VPS41: variants seen among roughly 807,000 people sequenced by gnomAD.
VPS41 encodes the protein vacuolar protein sorting-associated protein 41 homolog.
In VPS41, 85 loss-of-function variants were observed where a neutral mutation model predicts 130.9. The ratio of observed to expected loss-of-function variants is 0.65; its 90% CI spans 0.55 to 0.78. The LOEUF is 0.78. Among genes scored for constraint, VPS41 ranks in the 30% least tolerant of loss-of-function variants. The probability of loss-of-function intolerance (pLI) is 0.00; values close to 1 mark genes in which losing one functional copy is unlikely to be tolerated. For missense variants in VPS41, 874 were observed against 1,018.7 expected, an observed-to-expected ratio of 0.86 and a Z score of 1.93; for synonymous variants, 335 against 332.9, an observed-to-expected ratio of 1.01 and a Z score of -0.07.
At chr7:38,778,769 GAGA>G (rs1784305836) in intron 10 of VPS41, among the ~76,000 whole-genome samples, 1 of 152,136 alleles carries the variant, frequency 6.6e-6, no homozygotes, top group African/African-American at 2.4e-5. Flanking sequence ...GAAGGGGTGG[GAGA>G]AGGAGGTATT....
chr7:38,736,842 C>T (rs908241291), intron 25 of VPS41, among the ~76,000 whole-genome samples: 1 of 152,196 alleles, frequency 6.6e-6, no homozygotes, highest in African/African-American at 2.4e-5. Context: ...AAAACAAAAG[C>T]ATTCACAAAT....
intron 4 of VPS41, among the ~76,000 whole-genome samples, chr7:38,852,370 G>T (rs949197787): frequency 6.6e-6 from 1 of 152,172 alleles, no homozygotes; most frequent in African/African-American, 2.4e-5. Flanking sequence ...GGGAGACACT[G>T]CTTTGAGAAC....
intron 27 of VPS41, among the ~76,000 whole-genome samples, chr7:38,728,070 T>G (rs1420595008): frequency 6.6e-6 from 1 of 152,178 alleles, no homozygotes; most frequent in Non-Finnish European, 1.5e-5. Context: ...GAAAAGGGAA[T>G]GCTACCTATA....
intron 5 of VPS41, among the ~76,000 whole-genome samples, chr7:38,828,946 T>G (rs1785333341): frequency 6.6e-6 from 1 of 152,186 alleles, no homozygotes; most frequent in African/African-American, 2.4e-5. Context: ...TTCCAATTTT[T>G]AATAAAAATG....
intron 2 of VPS41, among the ~76,000 whole-genome samples, chr7:38,890,252 A>C (rs537741518): frequency 6.6e-6 from 1 of 152,190 alleles, no homozygotes; most frequent in Admixed American, 6.6e-5. Flanking sequence ...TAGTTAAAAG[A>C]CTGGCAGAGC....
chr7:38,902,538 A>C (rs1787167696), intron 1 of VPS41, among the ~76,000 whole-genome samples: 1 of 152,150 alleles, frequency 6.6e-6, no homozygotes, highest in Admixed American at 6.5e-5. Flanking sequence ...CCACACTTCC[A>C]CATACCATCA....
chr7:38,726,760 T>C (rs1009804792), intron 28 of VPS41, 149 bp downstream of exon 28: 2 of 602,344 alleles, frequency 3.3e-6, no homozygotes, highest in South Asian at 4.9e-5. Flanking sequence ...ATTTGAAAAC[T>C]AGATTAATTT....
At chr7:38,728,640 A>G (rs1795596506) in intron 26 of VPS41, 52 bp downstream of exon 26, 1 of 1,613,812 alleles carries the variant, frequency 6.2e-7, no homozygotes, top group Non-Finnish European at 8.5e-7. Context: ...CTGCTTGGCC[A>G]TTTCTGAAAG....
At chr7:38,802,081 G>A (rs544884641) in intron 7 of VPS41, among the ~76,000 whole-genome samples, 1 of 152,292 alleles carries the variant, frequency 6.6e-6, no homozygotes, top group Admixed American at 6.5e-5. Flanking sequence ...TCCCTTTGCT[G>A]AAGGCCAGCA....
Position 38,764,533 on chromosome 7 carries a change from G to C in VPS41, c.1330-986C>G, listed in dbSNP as rs114638253. On this transcript the variant is annotated intron_variant, in intron 16 of 28. Transcript: ENST00000310301. The stretch of plus-strand genomic sequence containing the variant: ...TAACTCTGGGCTAGGGCTGCCCACA[G>C]ATCTATCAGAAGGCATTTGCTATGG... 8.5e-3 allele frequency among the ~76,000 whole-genome samples: 1,295 copies of C among 152,234 alleles called. 20 individuals carry two copies. The highest frequency in any genetic ancestry group is 0.029 in the African/African-American group (1,214 of 41,540).
At chr7:38,870,002 G>A (rs139768787) in intron 2 of VPS41, among the ~76,000 whole-genome samples, 37 of 152,294 alleles carry the variant, frequency 2.4e-4, no homozygotes, top group African/African-American at 6.7e-4. Flanking sequence ...CAAGATTCCA[G>A]GGCAGCAGAG....
At chr7:38,808,301 G>A (rs1196681154) in intron 7 of VPS41, among the ~76,000 whole-genome samples, 3 of 152,022 alleles carry the variant, frequency 2.0e-5, no homozygotes, top group African/African-American at 7.2e-5. Flanking sequence ...AGTATACATA[G>A]GAAAACTCAC....
intron 19 of VPS41, among the ~76,000 whole-genome samples, chr7:38,756,522 T>C (rs1783797207): frequency 1.3e-5 from 2 of 152,182 alleles, no homozygotes; most frequent in Non-Finnish European, 2.9e-5. Context: ...AGTCAAAGTA[T>C]ATACGTGGTT....
At chr7:38,805,055 A>G (rs944464751) in intron 7 of VPS41, among the ~76,000 whole-genome samples, 10 of 152,390 alleles carry the variant, frequency 6.6e-5, no homozygotes, top group African/African-American at 2.2e-4. Context: ...AACTTGAATT[A>G]ATGTTCTCTG....
chr7:38,810,420 A>C (rs914362364), intron 7 of VPS41, among the ~76,000 whole-genome samples: 1 of 152,206 alleles, frequency 6.6e-6, no homozygotes, highest in African/African-American at 2.4e-5. Flanking sequence ...AGTATGTTCT[A>C]ATTACTTTAA....
At chr7:38,891,830 C>T (rs1786874440) in intron 2 of VPS41, among the ~76,000 whole-genome samples, 9 of 152,012 alleles carry the variant, frequency 5.9e-5, no homozygotes, top group Admixed American at 5.9e-4. Context: ...GATATTTAGC[C>T]TGTTTCCAAA....
chr7:38,792,811 A>G lies in VPS41; in HGVS notation c.717+2654T>C, dbSNP rs1784557863. On this transcript the variant is annotated intron_variant, in intron 9 of 28. Coordinates refer to ENST00000310301, the MANE Select transcript of VPS41 (RefSeq NM_014396.4). ...GGGCTCCAACATCACCTGCTCCTCC[A>G]CCACACCCTCCCCGACCCCCACTTA... 2.0e-5 allele frequency among the ~76,000 whole-genome samples: 3 copies of G among 151,820 alleles called. No homozygotes were observed. The South Asian group carries it at 6.2e-4, about 32-fold the overall frequency.
rs114568469 is a variant in VPS41, at chr7:38,785,720, T to C, written c.784+4081A>G. Reference sequence around the variant, plus strand: ...CTTGTTGCATCAACTAAACTTAAGCTAAACACTAAAAAATAGCAAACAAGG... The same window carrying C: ...CTTGTTGCATCAACTAAACTTAAGCCAAACACTAAAAAATAGCAAACAAGG... On this transcript the variant is annotated intron_variant, in intron 10 of 28. Transcript: ENST00000310301. Among the ~76,000 whole-genome samples, 586 of 152,286 alleles carry C rather than the reference T, an allele frequency of 3.8e-3. 2 individuals carry two copies. The highest frequency in any genetic ancestry group is 0.014 in the African/African-American group (567 of 41,572).
chr7:38,900,179 C>T (rs904382314), intron 1 of VPS41, among the ~76,000 whole-genome samples: 1 of 152,114 alleles, frequency 6.6e-6, no homozygotes, highest in Non-Finnish European at 1.5e-5. Flanking sequence ...ATCACTCGAG[C>T]CCAGCAGGTC....
Sources: allele counts gnomAD v4.1 joint callset (sites outside exome capture counted in the v4.1 genomes callset), GRCh38; gene constraint gnomAD v4.1.1; transcripts MANE v1.5; gene names NCBI Gene and HGNC (gene_info 2026-07-23, HGNC 2026-07-21).